CFAP46: variants seen among roughly 807,000 people sequenced by gnomAD.
CFAP46 encodes cilia and flagella associated protein 46.
CFAP46 carries 245 observed loss-of-function variants against 325.7 expected under a neutral mutation model. That is an observed-to-expected ratio of 0.75 (90% CI 0.68 to 0.84). The LOEUF (loss-of-function observed/expected upper bound fraction) is 0.84. Among genes scored for constraint, CFAP46 ranks in the 40% least tolerant of loss-of-function variants. The pLI, the probability that CFAP46 is intolerant of heterozygous loss-of-function variation, is 0.00. For missense variants in CFAP46, 3,346 were observed against 3,543.0 expected (o/e 0.94, Z 1.41); for synonymous variants, 1,523 against 1,495.9 (o/e 1.02, Z -0.42).
In CFAP46 at chr10:132,877,018, C is replaced by A. The variant is rs1367165383; in HGVS notation, c.4213-57G>T. 2.0e-6 allele frequency: 3 copies of A among 1,511,110 alleles called. No individual in the cohort carries two copies. Among genetic ancestry groups the A allele is most frequent in the South Asian group, 1.3e-5 (1 of 77,952 alleles). 93.6% of individuals were successfully genotyped at this position (1,511,110 alleles called of 1,614,324 possible). A position where few individuals can be genotyped will look rare whatever the true frequency, so the allele number is the denominator to read the frequency against. On this transcript the variant is annotated intron_variant, in intron 30 of 57. Coordinates refer to ENST00000368586, the MANE Select transcript of CFAP46 (RefSeq NM_001200049.3). This position sits in a 1 kb window ranked among gnomAD's most constrained non-coding sequence, Gnocchi z 5.7. ...AACGGTGGAGGTGAAACAGCAGACA[C>A]CCCCGGCCCACCGGCATGGCTGTGC...
chr10:132,919,695 C>A lies in CFAP46; in HGVS notation c.1731-253G>T, dbSNP rs1300148437. 1.3e-5 allele frequency among the ~76,000 whole-genome samples: 2 copies of A among 152,028 alleles called. No individual in the cohort carries two copies. Among genetic ancestry groups the A allele is most frequent in the Non-Finnish European group, 2.9e-5 (2 of 67,964 alleles). On this transcript the variant is annotated intron_variant, in intron 14 of 57. Coordinates refer to ENST00000368586, the MANE Select transcript of CFAP46 (RefSeq NM_001200049.3). The surrounding 1 kb of genome is among the most constrained non-coding windows in gnomAD (Gnocchi z 9.7). ...CCCTGTGGTGAGAAGAAAGGCCACA[C>A]AATCCACTCCCCGGGGGAGTGCACG...
At chr10:132,861,421 A>G (rs922474335) in intron 35 of CFAP46, among the ~76,000 whole-genome samples, 1 of 152,236 alleles carries the variant, frequency 6.6e-6, no homozygotes, top group Non-Finnish European at 1.5e-5. Flanking sequence ...GAGCGGCAGG[A>G]AACTTCGTCC....
At position 132,899,105 on chromosome 10, in the gene CFAP46, C is replaced by T; in HGVS notation, c.3073G>A (p.Gly1025Ser). ...GCCAGCATCACCAGGGCGCTGCTGC[C>T]CGCGATGCCTCCGAACCTAAAAGAG... ...TESARFGGIA[G>S]SSALVMLAAR... is the part of the protein sequence containing the mutation. Residue 1025 changes from glycine to serine, a missense_variant, in exon 24 of 58, where the codon GGC becomes AGC. Gly to Ser is a moderately conservative substitution (Grantham distance 56). Coordinates refer to ENST00000368586, the MANE Select transcript of CFAP46 (RefSeq NM_001200049.3). 1.3e-6 allele frequency: 2 copies of T among 1,549,750 alleles called. No homozygotes were observed. Among genetic ancestry groups the T allele is most frequent in the South Asian group, 1.2e-5 (1 of 84,004 alleles).
intron 4 of CFAP46, among the ~76,000 whole-genome samples, chr10:132,940,462 G>A (rs1005600591): frequency 6.6e-6 from 1 of 152,202 alleles, no homozygotes; most frequent in Non-Finnish European, 1.5e-5. Flanking sequence ...CAGGGACAGC[G>A]GCCTTGGCCA....
intron 39 of CFAP46, among the ~76,000 whole-genome samples, chr10:132,854,208 T>C (rs924630102): frequency 6.6e-6 from 1 of 152,270 alleles, no homozygotes; most frequent in Non-Finnish European, 1.5e-5. Context: ...GGTGTTTTTT[T>C]ATTCCCTTCA....
Position 132,879,498 on chromosome 10 carries a change from C to T in CFAP46, c.3933G>A (p.Val1311=). 1 of 1,547,152 alleles carries T rather than the reference C, an allele frequency of 6.5e-7. No individual in the cohort carries two copies. Among genetic ancestry groups the T allele is most frequent in the Non-Finnish European group, 8.7e-7 (1 of 1,145,856 alleles). Residue 1311 remains valine, a synonymous_variant, in exon 29 of 58, where the codon GTG becomes GTA. Transcript: ENST00000368586. ...LARVHILLAL[V]LSPGAEGYED... ...CGTAGCCCTCGGCGCCCGGCGACAG[C>T]ACCAGGGCCAGCAGGATGTGCACGC...
chr10:132,916,019 G>C (rs1157487194), intron 17 of CFAP46, among the ~76,000 whole-genome samples: 1 of 152,146 alleles, frequency 6.6e-6, no homozygotes, highest in Non-Finnish European at 1.5e-5. Context: ...TTCTGAACTT[G>C]GAACCTCACG....
intron 27 of CFAP46, among the ~76,000 whole-genome samples, chr10:132,883,071 G>C (rs144476190): frequency 6.6e-6 from 1 of 152,132 alleles, no homozygotes; most frequent in Non-Finnish European, 1.5e-5. Context: ...CAACAGTTTC[G>C]CAGATATAAT....
intron 39 of CFAP46, among the ~76,000 whole-genome samples, chr10:132,856,180 A>T (rs12766134): frequency 1.3e-5 from 2 of 152,076 alleles, no homozygotes; most frequent in South Asian, 2.1e-4. Flanking sequence ...CTGCTTCTGC[A>T]GGAAGCTGCG....
At chr10:132,857,928 C>T (rs956418549) in intron 38 of CFAP46, 140 bp from the exon 39 acceptor site, 18 of 736,332 alleles carry the variant, frequency 2.4e-5, no homozygotes, top group Admixed American at 1.8e-4. Context: ...AAGACATCCT[C>T]GATACGTCTT....
chr10:132,833,962 A>G, intron 49 of CFAP46, 79 bp downstream of exon 49: 3 of 1,367,514 alleles, frequency 2.2e-6, no homozygotes, highest in Non-Finnish European at 3.1e-6. Flanking sequence ...GCGTTCCCGG[A>G]TGGGTGGGTG....
chr10:132,846,302 G>A (rs1446261313), intron 43 of CFAP46, 75 bp from the exon 44 acceptor site: 20 of 1,474,178 alleles, frequency 1.4e-5, no homozygotes, highest in African/African-American at 1.3e-4. Flanking sequence ...CGGAGGGTGC[G>A]CAGCAGCTGC....
chr10:132,878,793 A>G (rs1020316045), intron 29 of CFAP46, among the ~76,000 whole-genome samples: 4 of 152,058 alleles, frequency 2.6e-5, no homozygotes, highest in Admixed American at 6.5e-5. Flanking sequence ...GAGATGCCCT[A>G]TGGGGGCTCC....
intron 32 of CFAP46, 65 bp downstream of exon 32, chr10:132,872,611 T>C: frequency 6.6e-7 from 1 of 1,526,112 alleles, no homozygotes; most frequent in Non-Finnish European, 8.9e-7. Context: ...ATTAATACCT[T>C]AACATGTTGT....
chr10:132,809,734 G>A (rs951479707), intron 57 of CFAP46, among the ~76,000 whole-genome samples: 1 of 152,048 alleles, frequency 6.6e-6, no homozygotes, highest in Non-Finnish European at 1.5e-5. Flanking sequence ...ACCGTGGCAG[G>A]AGGGTTTTGC....
chr10:132,889,373 G>A lies in CFAP46; in HGVS notation c.3304+2960C>T, dbSNP rs143330472. 8.0e-4 allele frequency among the ~76,000 whole-genome samples: 122 copies of A among 152,300 alleles called. No individual in the cohort carries two copies. Among genetic ancestry groups the A allele is most frequent in the African/African-American group, 2.8e-3 (115 of 41,562 alleles). On this transcript the variant is annotated intron_variant, in intron 25 of 57. Transcript: ENST00000368586. The surrounding 1 kb of genome is among the most constrained non-coding windows in gnomAD (Gnocchi z 6.0). The stretch of plus-strand genomic sequence containing the variant: ...GGAAGGCACCCATGGCTAGGAGGGC[G>A]GCACCCCATTGGATGCTGGGATCTG...
intron 37 of CFAP46, 62 bp downstream of exon 37, chr10:132,860,355 A>T: frequency 2.3e-6 from 3 of 1,321,802 alleles, no homozygotes; most frequent in Non-Finnish European, 2.1e-6. Context: ...CAAAAATTGC[A>T]GATGGAAAAG....
At chr10:132,855,601 TC>T (rs1848629391) in intron 39 of CFAP46, among the ~76,000 whole-genome samples, 3 of 152,268 alleles carry the variant, frequency 2.0e-5, no homozygotes, top group African/African-American at 4.8e-5. Context: ...TTATTCTTTT[TC>T]TTTTTTCTGC....
rs748815711 is a variant in CFAP46 at position 132,938,717 on chromosome 10, G to A, written c.408C>T (p.Tyr136=). ...TGAGGAACGGCCTCACCATCTGCCA[G>A]TAGAGGACTGATGCATTGTACACCA... is the stretch of plus-strand genomic sequence containing the variant. ...YFLVYNASVL[Y]WQMVRPFLKP... The change falls in exon 5 of 58, where the codon TAC becomes TAT. Residue 136 remains tyrosine (Y), a synonymous_variant. Transcript: ENST00000368586. 9.3e-6 allele frequency: 15 copies of A among 1,613,554 alleles called. No homozygotes were observed. The South Asian group carries it at 9.9e-5, about 11-fold the overall frequency.
Sources: gnomAD v4.1 joint callset for allele counts (sites outside exome capture counted in the v4.1 genomes callset) on GRCh38, gnomAD v4.1.1 for gene constraint, Gnocchi (gnomAD v3.1) non-coding constraint, MANE v1.5 for transcripts, NCBI Gene and HGNC (gene_info 2026-07-23, HGNC 2026-07-21) for gene names.